Variants in CLDN16 observed in about 807,000 individuals in gnomAD.
The protein encoded by CLDN16 is claudin 16.
Under a neutral mutation model 24.6 loss-of-function variants are expected in CLDN16, and 13 were observed. The ratio of observed to expected loss-of-function variants is 0.53; its 90% CI spans 0.34 to 0.84. CLDN16 has a LOEUF of 0.84. Ranked by LOEUF, CLDN16 falls within the 40% of genes least tolerant of loss-of-function variation. The probability of loss-of-function intolerance (pLI) is 0.01; values close to 1 mark genes in which losing one functional copy is unlikely to be tolerated. For missense variants in CLDN16, 298 were observed against 292.7 expected, an observed-to-expected ratio of 1.02 and a Z score of -0.13; for synonymous variants, 116 against 106.7, an observed-to-expected ratio of 1.09 and a Z score of -0.54.
At chr3:190,386,149 G>A (rs1718492420), upstream of CLDN16, among the ~76,000 whole-genome samples, 1 of 150,028 alleles carries the variant, frequency 6.7e-6, no homozygotes, top group African/African-American at 2.4e-5. Flanking sequence ...TCCCAGATCA[G>A]CAGAGTAAAT....
the CLDN16 span, among the ~76,000 whole-genome samples, chr3:190,298,898 C>G: frequency 4.6e-5 from 7 of 152,222 alleles, no homozygotes; most frequent in East Asian, 1.4e-3. Context: ...AGTTTTCTTA[C>G]TGTAGCTATA....
At chr3:190,392,327 C>T (rs372889265) in intron 1 of CLDN16, among the ~76,000 whole-genome samples, 3 of 151,662 alleles carry the variant, frequency 2.0e-5, no homozygotes, top group South Asian at 4.2e-4. Context: ...TCTCTCTTTC[C>T]CTCCTATATC....
At chr3:190,317,753 C>A (rs1716809183), upstream of CLDN16, among the ~76,000 whole-genome samples, 1 of 152,192 alleles carries the variant, frequency 6.6e-6, no homozygotes. Context: ...GCCTTGTATA[C>A]AGAAAGTCAA....
Position 190,408,905 on chromosome 3 carries a change from C to T in CLDN16, c.574+400C>T, listed in dbSNP as rs540603589. 6.1e-4 allele frequency among the ~76,000 whole-genome samples: 90 copies of T among 146,946 alleles called. 1 individual carries two copies. The South Asian group carries it at 6.8e-3, about 11-fold the overall frequency. ...CTGTATATATACCCTTGTATATATA[C>T]GTATACATAGTACATATGTATACAC... On this transcript the variant is annotated intron_variant, in intron 4 of 4. Transcript: ENST00000264734.
chr3:190,363,787 C>T (rs1006957119), intron 1 of CLDN16, among the ~76,000 whole-genome samples: 2 of 151,008 alleles, frequency 1.3e-5, no homozygotes, highest in African/African-American at 2.4e-5. Flanking sequence ...ACATGTGATC[C>T]GAAGATCATA....
chr3:190,369,035 G>A (rs1222635089), intron 1 of CLDN16, among the ~76,000 whole-genome samples: 1 of 151,888 alleles, frequency 6.6e-6, no homozygotes, highest in African/African-American at 2.4e-5. Context: ...TCTCAAACAG[G>A]TAGTCATAGA....
chr3:190,379,625 T>C (rs1249211602), intron 3 of CLDN16, among the ~76,000 whole-genome samples: 1 of 152,098 alleles, frequency 6.6e-6, no homozygotes, highest in African/African-American at 2.4e-5. Flanking sequence ...CAATGATACA[T>C]TCACTGTACT....
the CLDN16 span, among the ~76,000 whole-genome samples, chr3:190,298,237 T>C: frequency 6.6e-6 from 1 of 152,210 alleles, no homozygotes; most frequent in Middle Eastern, 3.4e-3. Context: ...AACCATATAC[T>C]TGTAACTTCT....
At chr3:190,365,324 CT>C (rs1454904560) in intron 1 of CLDN16, among the ~76,000 whole-genome samples, 2 of 151,646 alleles carry the variant, frequency 1.3e-5, no homozygotes, top group African/African-American at 4.8e-5. Context: ...CACCACTTAT[CT>C]TTTCAGCTAT....
At chr3:190,340,417 G>C (rs1182454943) in intron 1 of CLDN16, among the ~76,000 whole-genome samples, 3 of 152,188 alleles carry the variant, frequency 2.0e-5, no homozygotes, top group African/African-American at 7.2e-5. Context: ...GTCTCACGTG[G>C]TGGCAGACAA....
At chr3:190,322,447 G>A, upstream of CLDN16, 1 of 569,802 alleles carries the variant, frequency 1.8e-6, no homozygotes, top group Non-Finnish European at 3.2e-6. Context: ...GAACTGAGAC[G>A]CAGAACCGCT....
chr3:190,326,764 G>C (rs3954260), intron 1 of CLDN16, among the ~76,000 whole-genome samples: 85,515 of 151,976 alleles, frequency 0.56, 25,085 homozygotes, highest in African/African-American at 0.74. Flanking sequence ...TCTCTTCAGA[G>C]AATTTGGGAG....
intron 1 of CLDN16, among the ~76,000 whole-genome samples, chr3:190,353,879 T>A: frequency 6.6e-6 from 1 of 152,058 alleles, no homozygotes; most frequent in Non-Finnish European, 1.5e-5. Context: ...AAATTACCAC[T>A]AACTTGGTGG....
chr3:190,295,026 C>A, the CLDN16 span, among the ~76,000 whole-genome samples: 2 of 152,178 alleles, frequency 1.3e-5, no homozygotes, highest in Non-Finnish European at 2.9e-5. Context: ...GAGGCATTAT[C>A]TCAGGGCTCG....
chr3:190,378,912 C>T (rs1470701641), intron 3 of CLDN16, among the ~76,000 whole-genome samples: 3 of 151,884 alleles, frequency 2.0e-5, no homozygotes, highest in African/African-American at 7.2e-5. Context: ...TGATATGATG[C>T]CTTTCTAATT....
chr3:190,325,530 G>C (rs960849088), intron 1 of CLDN16, among the ~76,000 whole-genome samples: 1 of 152,164 alleles, frequency 6.6e-6, no homozygotes, highest in Non-Finnish European at 1.5e-5. Flanking sequence ...AGCAAATAGC[G>C]TACTGGTTTA....
upstream of CLDN16, among the ~76,000 whole-genome samples, chr3:190,384,495 T>G (rs1400522462): frequency 6.6e-6 from 1 of 152,180 alleles, no homozygotes; most frequent in Non-Finnish European, 1.5e-5. Context: ...GTCACTCAAC[T>G]GATCGCCAGG....
intron 1 of CLDN16, among the ~76,000 whole-genome samples, chr3:190,355,534 T>A (rs115745027): frequency 1.1e-3 from 168 of 151,970 alleles, no homozygotes; most frequent in African/African-American, 3.9e-3. Flanking sequence ...CTAGGATAAT[T>A]TAAACTTCTT....
chr3:190,348,367 T>TG (rs1294788720), intron 1 of CLDN16, among the ~76,000 whole-genome samples: 10 of 133,390 alleles, frequency 7.5e-5, no homozygotes, highest in South Asian at 4.9e-4. Flanking sequence ...GTGTGTGTGG[T>TG]GTGTGTCTTT....
Sources: allele counts gnomAD v4.1 joint callset (sites outside exome capture counted in the v4.1 genomes callset), GRCh38; gene constraint gnomAD v4.1.1; transcripts MANE v1.5; gene names NCBI Gene and HGNC (gene_info 2026-07-23, HGNC 2026-07-21).